The following AQP11 variants were observed in gnomAD, a reference collection of about 807,000 sequenced individuals.
AQP11 encodes the protein aquaporin-11.
Under a neutral mutation model 21.1 loss-of-function variants are expected in AQP11, and 20 were observed. The observed-to-expected ratio is 0.95, with a 90% CI of 0.67 to 1.38. AQP11 has a LOEUF of 1.38. Ranked by LOEUF, AQP11 falls within the 40% of genes most tolerant of loss-of-function variation. The pLI, the probability that AQP11 is intolerant of heterozygous loss-of-function variation, is 0.00. For missense variants in AQP11, 339 were observed against 340.4 expected (o/e 1.00, Z 0.03); for synonymous variants, 167 against 150.1 (o/e 1.11, Z -0.82).
chr11:77,605,852 A>G (rs555966127), intron 2 of AQP11, among the ~76,000 whole-genome samples: 1 of 151,946 alleles, frequency 6.6e-6, no homozygotes, highest in African/African-American at 2.4e-5. Context: ...TCAAGTCAGG[A>G]GTTTGAGACC....
Position 77,603,635 on chromosome 11 carries a change from T to C in AQP11, c.699T>C (p.Pro233=), listed in dbSNP as rs372983867. ...LHFMCFDEAF[P]QFFIVYWLAP... is the part of the protein sequence containing the mutation. ...TCATGTGTTTTGATGAAGCATTCCCTCAGTTTTTTATAGTATACTGGCTGG... is the reference window on the plus strand; with the variant it reads ...TCATGTGTTTTGATGAAGCATTCCCCCAGTTTTTTATAGTATACTGGCTGG... The change falls in exon 2 of 3, where the codon CCT becomes CCC. Residue 233 remains proline, a synonymous_variant. Transcript: ENST00000313578. 6.2e-7 allele frequency: 1 copy of C among 1,609,186 alleles called. No homozygotes were observed. The highest frequency in any genetic ancestry group is 1.3e-5 in the African/African-American group (1 of 74,958).
intron 1 of AQP11, among the ~76,000 whole-genome samples, chr11:77,592,063 C>T (rs763245504): frequency 3.3e-5 from 5 of 152,116 alleles, no homozygotes; most frequent in South Asian, 2.1e-4. Flanking sequence ...CCCAGGCGTT[C>T]GAGACTAGCC....
chr11:77,605,054 G>A (rs1005570530), intron 2 of AQP11, among the ~76,000 whole-genome samples: 27 of 152,106 alleles, frequency 1.8e-4, no homozygotes, highest in African/African-American at 4.1e-4. Context: ...TTAGCTGGTC[G>A]TGGTGGCGGG....
At chr11:77,596,537 A>AATATATATGTAT (rs1958783041) in intron 1 of AQP11, among the ~76,000 whole-genome samples, 1 of 86,576 alleles carries the variant, frequency 1.2e-5, no homozygotes, top group Non-Finnish European at 2.3e-5. Flanking sequence ...TATATATGTA[A>AATATATATGTAT]ATATATATAT....
intron 1 of AQP11, among the ~76,000 whole-genome samples, chr11:77,597,346 C>G (rs535956430): frequency 6.6e-6 from 1 of 152,136 alleles, no homozygotes; most frequent in Non-Finnish European, 1.5e-5. Context: ...CCAAGGTGGG[C>G]GGATCGCTTG....
At chr11:77,601,597 G>A (rs1013983663) in intron 1 of AQP11, among the ~76,000 whole-genome samples, 1 of 152,072 alleles carries the variant, frequency 6.6e-6, no homozygotes, top group East Asian at 1.9e-4. Context: ...TGATCCACCC[G>A]CTTCAGCCTT....
chr11:77,607,529 C>G (rs1017411982), intron 2 of AQP11, among the ~76,000 whole-genome samples: 2 of 152,092 alleles, frequency 1.3e-5, no homozygotes, highest in African/African-American at 4.8e-5. Context: ...TTTCTCATCA[C>G]AGCAGAGATA....
chr11:77,597,378 C>T (rs768167598), intron 1 of AQP11, among the ~76,000 whole-genome samples: 43 of 152,158 alleles, frequency 2.8e-4, no homozygotes, highest in Non-Finnish European at 5.1e-4. Context: ...TCGAGACCAG[C>T]CTGGCCAAAA....
At position 77,596,537 on chromosome 11, in the gene AQP11, A is replaced by AATATATATAT. The variant is rs529433093; in HGVS notation, c.619+5943_619+5952dup. ...AAATATATATGTAAATATATATGTAAATATATATATATATATATATATATA... is the reference window on the plus strand; with the variant it reads ...AAATATATATGTAAATATATATGTAAATATATATATATATATATATATATATATATATATA... On this transcript the variant is annotated intron_variant, in intron 1 of 2. Transcript: ENST00000313578. Among the ~76,000 whole-genome samples the AATATATATAT allele has an allele frequency of 9.0e-3, 780 of 86,524 alleles. 42 individuals carry two copies. The highest frequency in any genetic ancestry group is 0.022 in the Admixed American group (154 of 7,138). The allele number at this position is 86,524 out of a possible 152,430, so 56.8% of individuals were successfully genotyped here.
chr11:77,607,522 C>T (rs985442138), intron 2 of AQP11, among the ~76,000 whole-genome samples: 9 of 152,094 alleles, frequency 5.9e-5, no homozygotes, highest in Non-Finnish European at 7.4e-5. Flanking sequence ...TTTCTTGTTT[C>T]TCATCACAGC....
intron 1 of AQP11, among the ~76,000 whole-genome samples, chr11:77,600,300 A>G (rs554165237): frequency 2.0e-5 from 3 of 152,230 alleles, no homozygotes; most frequent in African/African-American, 7.2e-5. Context: ...ATATTATTGT[A>G]TATGCGTATA....
At chr11:77,592,287 A>G (rs561075686) in intron 1 of AQP11, among the ~76,000 whole-genome samples, 2 of 152,128 alleles carry the variant, frequency 1.3e-5, no homozygotes, top group East Asian at 3.9e-4. Flanking sequence ...AAAAAAGAAA[A>G]AGAGAAAAAG....
chr11:77,590,146 C>A lies in AQP11; in HGVS notation c.154C>A (p.Leu52Ile). 6.2e-7 allele frequency: 1 copy of A among 1,608,616 alleles called. No individual in the cohort carries two copies. Among genetic ancestry groups the A allele is most frequent in the Non-Finnish European group, 8.5e-7 (1 of 1,179,592 alleles). Residue 52 changes from leucine to isoleucine, a missense_variant, in exon 1 of 3, where the codon CTA becomes ATA. Leu to Ile is a conservative substitution (Grantham distance 5). Coordinates refer to ENST00000313578, the MANE Select transcript of AQP11 (RefSeq NM_173039.3). ...PVAHAFVLEF[L>I]ATFQLCCCTH... ...GGCCCACGCCTTCGTCCTGGAGTTT[C>A]TAGCCACCTTCCAGCTCTGCTGCTG...
intron 1 of AQP11, among the ~76,000 whole-genome samples, chr11:77,592,262 G>C (rs575660971): frequency 6.6e-6 from 1 of 151,530 alleles, no homozygotes; most frequent in African/African-American, 2.4e-5. Flanking sequence ...GACCCTGTCT[G>C]TCTCAAAAGA....
At chr11:77,598,282 A>G (rs1273094253) in intron 1 of AQP11, among the ~76,000 whole-genome samples, 1 of 152,174 alleles carries the variant, frequency 6.6e-6, no homozygotes, top group African/African-American at 2.4e-5. Context: ...TATTCCCTTT[A>G]GGAATATTGA....
chr11:77,591,149 T>C, intron 1 of AQP11: 2 of 962,004 alleles, frequency 2.1e-6, no homozygotes, highest in Non-Finnish European at 2.5e-6. Flanking sequence ...TGAAATTTCT[T>C]ATTTCCTTAA....
chr11:77,601,852 C>T (rs1958817300), intron 1 of AQP11, among the ~76,000 whole-genome samples: 1 of 152,170 alleles, frequency 6.6e-6, no homozygotes, highest in Non-Finnish European at 1.5e-5. Flanking sequence ...CCTCCAGCAA[C>T]CTAGACCAGC....
intron 2 of AQP11, among the ~76,000 whole-genome samples, chr11:77,608,231 C>G (rs538682057): frequency 3.0e-4 from 46 of 152,376 alleles, no homozygotes; most frequent in Non-Finnish European, 5.9e-4. Context: ...GCTCACTCTC[C>G]TTAGTCCCTA....
At chr11:77,601,278 C>T (rs926264850) in intron 1 of AQP11, among the ~76,000 whole-genome samples, 4 of 151,778 alleles carry the variant, frequency 2.6e-5, no homozygotes, top group East Asian at 1.9e-4. Context: ...TTTGTTAACA[C>T]AGAACCCACA....
Sources: allele counts gnomAD v4.1 joint callset (sites outside exome capture counted in the v4.1 genomes callset), GRCh38; gene constraint gnomAD v4.1.1; transcripts MANE v1.5; gene names NCBI Gene and HGNC (gene_info 2026-07-23, HGNC 2026-07-21).